LIN52: variants seen among roughly 807,000 people sequenced by gnomAD.
LIN52 encodes the protein protein lin-52 homolog.
Under a neutral mutation model 18.5 loss-of-function variants are expected in LIN52, and 4 were observed. The ratio of observed to expected loss-of-function variants is 0.22; its 90% CI spans 0.11 to 0.49. The LOEUF is 0.49. LIN52 is among the 20% of genes least tolerant of loss of function. The probability of loss-of-function intolerance (pLI) is 0.97; values close to 1 mark genes in which losing one functional copy is unlikely to be tolerated. For synonymous variants in LIN52, 34 were observed against 45.5 expected (o/e 0.75, Z 1.02); for missense variants, 102 against 139.5 (o/e 0.73, Z 1.35).
intron 5 of LIN52, among the ~76,000 whole-genome samples, chr14:74,149,951 C>G (rs2061169567): frequency 6.6e-6 from 1 of 152,196 alleles, no homozygotes; most frequent in Non-Finnish European, 1.5e-5. Context: ...TCTAACCTCT[C>G]TTTCCCTAAG....
chr14:74,086,413 G>A, intron 1 of LIN52, among the ~76,000 whole-genome samples: 1 of 152,158 alleles, frequency 6.6e-6, no homozygotes, highest in Non-Finnish European at 1.5e-5. Flanking sequence ...AGCACTTTGG[G>A]AGGCTGAGGC....
chr14:74,171,509 A>C (rs573857763), intron 5 of LIN52, among the ~76,000 whole-genome samples: 1 of 152,168 alleles, frequency 6.6e-6, no homozygotes, highest in Non-Finnish European at 1.5e-5. Flanking sequence ...ATTTTAGTGG[A>C]AAAAAATTGT....
intron 5 of LIN52, among the ~76,000 whole-genome samples, chr14:74,155,405 A>G (rs760181821): frequency 6.6e-6 from 1 of 152,264 alleles, no homozygotes; most frequent in East Asian, 1.9e-4. Flanking sequence ...AGAGAGGGGC[A>G]TGGCCCCTTG....
chr14:74,091,169 T>TG (rs1409312954), intron 1 of LIN52, 63 bp from the exon 2 acceptor site: 42 of 1,174,842 alleles, frequency 3.6e-5, no homozygotes, highest in Non-Finnish European at 4.8e-5. Context: ...CCTTTGAGAT[T>TG]GAAGTATCAT....
intron 5 of LIN52, among the ~76,000 whole-genome samples, chr14:74,112,209 C>T (rs1363347606): frequency 6.6e-6 from 1 of 151,968 alleles, no homozygotes; most frequent in Non-Finnish European, 1.5e-5. Context: ...AGACTACTTG[C>T]CTAGCTTTGT....
chr14:74,141,169 T>G (rs2061128504), intron 5 of LIN52, among the ~76,000 whole-genome samples: 1 of 152,180 alleles, frequency 6.6e-6, no homozygotes, highest in African/African-American at 2.4e-5. Context: ...TAAAATAACA[T>G]GAAAGGATAT....
chr14:74,142,718 A>G (rs1466956370), intron 5 of LIN52, among the ~76,000 whole-genome samples: 1 of 151,184 alleles, frequency 6.6e-6, no homozygotes, highest in East Asian at 2.0e-4. Context: ...CTCTGAGCTA[A>G]GAATGTTTTT....
At chr14:74,089,648 C>T (rs372285533) in intron 1 of LIN52, among the ~76,000 whole-genome samples, 4 of 152,056 alleles carry the variant, frequency 2.6e-5, no homozygotes, top group African/African-American at 7.2e-5. Context: ...GGATTACAGG[C>T]GTGCACCACT....
intron 5 of LIN52, among the ~76,000 whole-genome samples, chr14:74,165,513 C>CTTTTTTTTTTTTTTTTTTTTTTTTTTTT (rs71460962): frequency 9.1e-6 from 1 of 110,262 alleles, no homozygotes; most frequent in Non-Finnish European, 1.8e-5. Flanking sequence ...GTTTTCTTTT[C>CTTTTTTTTTTTTTTTTTTTTTTTTTTTT]TTTTTTTTTT....
intron 5 of LIN52, among the ~76,000 whole-genome samples, chr14:74,186,986 C>G (rs1253539735): frequency 6.6e-6 from 1 of 151,882 alleles, no homozygotes; most frequent in Non-Finnish European, 1.5e-5. Context: ...GTCTGAGACA[C>G]AAGAATCACT....
At chr14:74,141,698 T>G (rs2061132266) in intron 5 of LIN52, among the ~76,000 whole-genome samples, 1 of 152,228 alleles carries the variant, frequency 6.6e-6, no homozygotes, top group Admixed American at 6.5e-5. Context: ...TGTAGTGATA[T>G]GCACCCCACT....
At chr14:74,165,973 C>T (rs1356738199) in intron 5 of LIN52, among the ~76,000 whole-genome samples, 1 of 151,840 alleles carries the variant, frequency 6.6e-6, no homozygotes, top group Non-Finnish European at 1.5e-5. Context: ...CTCACCGCAA[C>T]TTCCACCTCC....
intron 5 of LIN52, among the ~76,000 whole-genome samples, chr14:74,164,765 C>T (rs934688865): frequency 6.6e-6 from 1 of 152,158 alleles, no homozygotes; most frequent in Non-Finnish European, 1.5e-5. Flanking sequence ...CCTGATCACA[C>T]TGTAGCAAAG....
At chr14:74,173,441 C>T (rs1272070566) in intron 5 of LIN52, among the ~76,000 whole-genome samples, 1 of 152,176 alleles carries the variant, frequency 6.6e-6, no homozygotes, top group Admixed American at 6.5e-5. Flanking sequence ...CCCGCCTTGG[C>T]CTCCCAAAGT....
At chr14:74,193,247 C>CAA (rs55829983) in intron 5 of LIN52, among the ~76,000 whole-genome samples, 4,056 of 139,446 alleles carry the variant, frequency 0.029, 160 homozygotes, top group African/African-American at 0.094. Context: ...CCTGTCTCCA[C>CAA]AAAAAAAAAA....
In LIN52 at chr14:74,095,453, A is replaced by G. The variant is rs1190825677; in HGVS notation, c.95-495A>G. 3.3e-5 allele frequency among the ~76,000 whole-genome samples: 5 copies of G among 151,564 alleles called. No homozygotes were observed. The East Asian group carries it at 9.7e-4, about 29-fold the overall frequency. On this transcript the variant is annotated intron_variant, in intron 2 of 5. Transcript: ENST00000555028. ...CCCGGCCCGTTTTTTAATTTTTTGT[A>G]GAGTCTGGGGTCTTGCCCTGTTGCC... is the stretch of plus-strand genomic sequence containing the variant.
chr14:74,132,657 C>T (rs1426484242), intron 5 of LIN52, among the ~76,000 whole-genome samples: 4 of 152,130 alleles, frequency 2.6e-5, no homozygotes, highest in Admixed American at 1.3e-4. Flanking sequence ...TACAGGCATG[C>T]GCCACCATGC....
chr14:74,153,548 AT>A (rs34668824), intron 5 of LIN52, among the ~76,000 whole-genome samples: 5,656 of 145,030 alleles, frequency 0.039, 108 homozygotes, highest in African/African-American at 0.053. Flanking sequence ...ATGGAAAATG[AT>A]TTTTTTTTTT....
At chr14:74,093,307 CTTT>C (rs2060785546) in intron 2 of LIN52, among the ~76,000 whole-genome samples, 1 of 148,946 alleles carries the variant, frequency 6.7e-6, no homozygotes, top group Admixed American at 6.7e-5. Context: ...GTTTTCTCAC[CTTT>C]TTCAATCACT....
Sources: allele counts gnomAD v4.1 joint callset (sites outside exome capture counted in the v4.1 genomes callset), GRCh38; gene constraint gnomAD v4.1.1; transcripts MANE v1.5; gene names NCBI Gene and HGNC (gene_info 2026-07-23, HGNC 2026-07-21).